RAPGEF6: variants seen among roughly 807,000 people sequenced by gnomAD.
RAPGEF6 encodes Rap guanine nucleotide exchange factor 6, also known as PDZ domain containing guanine nucleotide exchange factor (GEF) 2.
In RAPGEF6, 56 loss-of-function variants were observed where a neutral mutation model predicts 171.4. The observed-to-expected ratio is 0.33, with a 90% CI of 0.26 to 0.41. RAPGEF6 has a LOEUF of 0.41. Among genes scored for constraint, RAPGEF6 ranks in the 10% least tolerant of loss-of-function variants. RAPGEF6 has a pLI of 1.00. For synonymous variants in RAPGEF6, 692 were observed against 650.1 expected (o/e 1.06, Z -0.98); for missense variants, 1,674 against 1,921.4 (o/e 0.87, Z 2.41).
intron 1 of RAPGEF6, among the ~76,000 whole-genome samples, chr5:131,612,042 T>C (rs967727824): frequency 2.6e-5 from 4 of 152,014 alleles, no homozygotes; most frequent in Middle Eastern, 3.2e-3. Context: ...TTCTGTCTTG[T>C]TTTGCTTTTA....
chr5:131,478,721 T>G (rs868308675), intron 16 of RAPGEF6, among the ~76,000 whole-genome samples: 2 of 152,320 alleles, frequency 1.3e-5, no homozygotes, highest in African/African-American at 4.8e-5. Flanking sequence ...TGATGTGAAT[T>G]TCTCAGAGGT....
chr5:131,461,604 T>A (rs1008825095), intron 19 of RAPGEF6, 101 bp downstream of exon 19: 40 of 1,152,804 alleles, frequency 3.5e-5, no homozygotes, highest in Non-Finnish European at 4.2e-5. Flanking sequence ...GGCATATTAA[T>A]TGAACATTTC....
intron 4 of RAPGEF6, among the ~76,000 whole-genome samples, chr5:131,580,074 C>T (rs918301114): frequency 6.6e-6 from 1 of 152,212 alleles, no homozygotes; most frequent in Non-Finnish European, 1.5e-5. Flanking sequence ...GACCAGGCGC[C>T]GCAGAGCAGG....
intron 1 of RAPGEF6, 54 bp downstream of exon 1, chr5:131,634,906 CAG>C: frequency 6.3e-7 from 1 of 1,597,024 alleles, no homozygotes; most frequent in Non-Finnish European, 8.6e-7. Context: ...TTCGGACAGA[CAG>C]GAGGATGCTG....
intron 9 of RAPGEF6, among the ~76,000 whole-genome samples, chr5:131,506,329 G>A (rs1580934674): frequency 2.0e-5 from 3 of 152,218 alleles, no homozygotes; most frequent in South Asian, 4.2e-4. Flanking sequence ...ATAGAGACAG[G>A]TCTTGCTATG....
At chr5:131,450,745 G>T (rs10079835) in intron 21 of RAPGEF6, among the ~76,000 whole-genome samples, 13,225 of 152,072 alleles carry the variant, frequency 0.087, 1,298 homozygotes, top group African/African-American at 0.25. Context: ...TTAAAGAAAG[G>T]TATTACATTT....
chr5:131,479,428 A>G, intron 16 of RAPGEF6, 85 bp downstream of exon 16: 1 of 1,480,704 alleles, frequency 6.8e-7, no homozygotes, highest in Non-Finnish European at 9.2e-7. Flanking sequence ...ACAAAGCAAA[A>G]CTTACCCAAG....
Position 131,461,732 on chromosome 5 carries a change from T to C in RAPGEF6, c.2837A>G (p.Asn946Ser). ...KIALHCRECK[N>S]FNSMFAIISG... ...TATTATTGCAAACATGGAATTGAAG[T>C]TCTTACATTCTCGACAATGAAGTGC... The change falls in exon 19 of 28, where the codon AAC becomes AGC. Residue 946 changes from asparagine to serine, a missense_variant. Coordinates refer to ENST00000509018, the MANE Select transcript of RAPGEF6 (RefSeq NM_016340.6). 1 of 1,601,468 alleles carries C rather than the reference T, an allele frequency of 6.2e-7. No individual in the cohort carries two copies. Among genetic ancestry groups the C allele is most frequent in the Non-Finnish European group, 8.5e-7 (1 of 1,170,132 alleles).
intron 4 of RAPGEF6, among the ~76,000 whole-genome samples, chr5:131,590,331 A>G (rs1226265493): frequency 6.6e-6 from 1 of 151,424 alleles, no homozygotes; most frequent in Non-Finnish European, 1.5e-5. Context: ...CAGAAGGCGC[A>G]GGTTGCAGTG....
intron 4 of RAPGEF6, among the ~76,000 whole-genome samples, chr5:131,574,563 T>C (rs956595856): frequency 6.6e-6 from 1 of 152,116 alleles, no homozygotes; most frequent in African/African-American, 2.4e-5. Flanking sequence ...TGGTGCCAAC[T>C]TGGACAACAT....
At chr5:131,624,992 A>G (rs926685840) in intron 1 of RAPGEF6, among the ~76,000 whole-genome samples, 5 of 152,100 alleles carry the variant, frequency 3.3e-5, no homozygotes, top group African/African-American at 7.2e-5. Flanking sequence ...GCATGGGTGC[A>G]GTGGCTCACA....
chr5:131,611,195 T>A (rs1225228711), intron 1 of RAPGEF6, among the ~76,000 whole-genome samples: 1 of 152,154 alleles, frequency 6.6e-6, no homozygotes, highest in African/African-American at 2.4e-5. Context: ...CTACCAACTC[T>A]CTCCATTTTT....
At chr5:131,455,726 C>A in intron 20 of RAPGEF6, 75 bp downstream of exon 20, 3 of 1,285,510 alleles carry the variant, frequency 2.3e-6, no homozygotes, top group East Asian at 2.3e-5. Flanking sequence ...AGGAAATATA[C>A]CATACACAAA....
intron 26 of RAPGEF6, among the ~76,000 whole-genome samples, chr5:131,429,710 T>C (rs1751579238): frequency 6.6e-6 from 1 of 152,208 alleles, no homozygotes; most frequent in South Asian, 2.1e-4. Flanking sequence ...TTCTCAGTCC[T>C]AGCATATAAA....
chr5:131,538,339 T>A (rs1295321785), intron 6 of RAPGEF6, among the ~76,000 whole-genome samples: 1 of 152,168 alleles, frequency 6.6e-6, no homozygotes, highest in Non-Finnish European at 1.5e-5. Context: ...TATAGCCTAC[T>A]ATACACCTAG....
rs914412717 is a variant in RAPGEF6 at position 131,545,634 on chromosome 5, A to C, written c.495+2413T>G. ...GCCAATATTGCAGGACACTGGCCAG[A>C]TGTACAGGTGTTACATAATTGGTAG... On this transcript the variant is annotated intron_variant, in intron 6 of 27. Coordinates refer to ENST00000509018, the MANE Select transcript of RAPGEF6 (RefSeq NM_016340.6). Among the ~76,000 whole-genome samples, 17 of 152,234 alleles carry C rather than the reference A, an allele frequency of 1.1e-4. 1 individual carries two copies. Among genetic ancestry groups the C allele is most frequent in the Admixed American group, 9.8e-4 (15 of 15,290 alleles).
In RAPGEF6 at chr5:131,453,125, A is replaced by T. The variant is rs755974925; in HGVS notation, c.3129T>A (p.Ile1043=). The T allele has an allele frequency of 6.2e-6, 10 of 1,613,996 alleles. No individual in the cohort carries two copies. The highest frequency in any genetic ancestry group is 8.5e-6 in the Non-Finnish European group (10 of 1,179,926). The change falls in exon 21 of 28, where the codon ATT becomes ATA. Residue 1043 remains isoleucine (I), a synonymous_variant. Transcript: ENST00000509018. The part of the protein sequence containing the change: ...GLVNFEKLRM[I]SKEIRQVVRM... ...GAACAACTTGGCGGATTTCCTTGGA[A>T]ATCATTCTTAACTTCTCAAAGTTTA...
At chr5:131,433,193 CATAATG>C (rs1751814688) in intron 25 of RAPGEF6, among the ~76,000 whole-genome samples, 1 of 152,112 alleles carries the variant, frequency 6.6e-6, no homozygotes, top group African/African-American at 2.4e-5. Context: ...TGGAAAGATA[CATAATG>C]ATAAAAAGTT....
chr5:131,559,650 G>A (rs1434213962), intron 5 of RAPGEF6, among the ~76,000 whole-genome samples: 1 of 134,020 alleles, frequency 7.5e-6, no homozygotes, highest in Non-Finnish European at 1.6e-5. Flanking sequence ...TAGCAAGGCT[G>A]TCTCTACAAA....
Sources: gnomAD v4.1 joint callset for allele counts (sites outside exome capture counted in the v4.1 genomes callset) on GRCh38, gnomAD v4.1.1 for gene constraint, MANE v1.5 for transcripts, NCBI Gene and HGNC (gene_info 2026-07-23, HGNC 2026-07-21) for gene names.